Variants in COX7A1 observed in about 807,000 individuals in gnomAD.
COX7A1 encodes cytochrome c oxidase subunit 7A1, mitochondrial.
COX7A1 carries 21 observed loss-of-function variants against 13.2 expected under a neutral mutation model. That is an observed-to-expected ratio of 1.59 (90% confidence interval 1.13 to 2.29). The LOEUF (loss-of-function observed/expected upper bound fraction) is 2.29. COX7A1 is among the 30% of genes most tolerant of loss of function. The pLI is 0.00. For synonymous variants in COX7A1, 41 were observed against 41.9 expected (o/e 0.98, Z 0.08); for missense variants, 107 against 100.0 (o/e 1.07, Z -0.30).
chr19:36,151,656 C>CGCG lies in COX7A1; in HGVS notation c.102+12_102+13insCGC. The CGCG allele has an allele frequency of 5.5e-6, 8 of 1,451,484 alleles. No individual in the cohort carries two copies. Among genetic ancestry groups the CGCG allele is most frequent in the East Asian group, 2.6e-5 (1 of 38,202 alleles). 89.9% of individuals were successfully genotyped at this position (1,451,484 alleles called of 1,614,324 possible). A position where few individuals can be genotyped will look rare whatever the true frequency, so the allele number is the denominator to read the frequency against. On this transcript the variant is annotated intron_variant, in intron 2 of 3. Transcript: ENST00000292907. The stretch of plus-strand genomic sequence containing the variant: ...GCTGGCGCGTCGGATCCCCACCCCC[C>CGCG]CCGACCCCCCACCTGGAAGAGCTTC...
Position 36,151,050 on chromosome 19 carries a change from G to T in COX7A1, c.188-16C>A. On this transcript the variant is annotated splice_polypyrimidine_tract_variant and intron_variant, in intron 3 of 3. Transcript: ENST00000292907. ...TAGACAGTGCCTAGAAAGGGGAAGCGTTGGAGACAGAATGAGACCTAATCC... is the reference window on the plus strand; with the variant it reads ...TAGACAGTGCCTAGAAAGGGGAAGCTTTGGAGACAGAATGAGACCTAATCC... The T allele has an allele frequency of 6.2e-7, 1 of 1,612,560 alleles. No homozygotes were observed. Among genetic ancestry groups the T allele is most frequent in the Non-Finnish European group, 8.5e-7 (1 of 1,179,162 alleles).
At chr19:36,151,862 G>GC (rs748993500) in intron 1 of COX7A1, 107 bp from the exon 2 acceptor site, 1 of 1,010,966 alleles carries the variant, frequency 9.9e-7, no homozygotes, top group East Asian at 2.6e-5. Flanking sequence ...TCCCTAGCGA[G>GC]CGTCCCAAAG....
chr19:36,151,645 T>TACCCCCCC, intron 2 of COX7A1, 24 bp downstream of exon 2: 6 of 1,387,560 alleles, frequency 4.3e-6, no homozygotes, highest in Non-Finnish European at 5.9e-6. Context: ...GCGCGTCGGA[T>TACCCCCCC]CCCCACCCCC....
At position 36,151,050 on chromosome 19, in the gene COX7A1, G is replaced by A. The variant is rs1357546106; in HGVS notation, c.188-16C>T. ...TAGACAGTGCCTAGAAAGGGGAAGCGTTGGAGACAGAATGAGACCTAATCC... is the reference window on the plus strand; with the variant it reads ...TAGACAGTGCCTAGAAAGGGGAAGCATTGGAGACAGAATGAGACCTAATCC... On this transcript the variant is annotated splice_polypyrimidine_tract_variant and intron_variant, in intron 3 of 3. Coordinates refer to ENST00000292907, the MANE Select transcript of COX7A1 (RefSeq NM_001864.4). The A allele has an allele frequency of 7.4e-6, 12 of 1,612,442 alleles. No homozygotes were observed. The highest frequency in any genetic ancestry group is 5.0e-5 in the Admixed American group (3 of 59,790).
At chr19:36,151,385 C>T in intron 3 of COX7A1, 77 bp downstream of exon 3, 5 of 1,518,588 alleles carry the variant, frequency 3.3e-6, no homozygotes, top group Admixed American at 1.7e-5. Context: ...CCTGGTCAGT[C>T]CTGCCCAGAA....
In COX7A1 at chr19:36,152,119, C is replaced by T. The variant is rs910309474; in HGVS notation, c.15+274G>A. 16 of 579,634 alleles carry T rather than the reference C, an allele frequency of 2.8e-5. 2 individuals are homozygous for T. In the South Asian group the frequency reaches 3.6e-4, roughly 13 times the overall value. The allele number at this position is 579,634 out of a possible 1,614,324, so 35.9% of individuals were successfully genotyped here. A position where few individuals can be genotyped will look rare whatever the true frequency, so the allele number is the denominator to read the frequency against. On this transcript the variant is annotated intron_variant, in intron 1 of 3. Coordinates refer to ENST00000292907, the MANE Select transcript of COX7A1 (RefSeq NM_001864.4). ...GGACCGGAATGGAGGTCCCCGGGAG[C>T]GTCCAGGCTGCCTGAGAAGGCCCGG...
intron 2 of COX7A1, 47 bp downstream of exon 2, chr19:36,151,622 G>C (rs758278756): frequency 6.2e-7 from 1 of 1,609,418 alleles, no homozygotes; most frequent in Admixed American, 1.7e-5. Flanking sequence ...CCGGCTCGGC[G>C]CGCTCCCGGC....
chr19:36,151,692 G>T lies in COX7A1; in HGVS notation c.79C>A (p.Arg27Ser). ...ACCTGGAAGAGCTTCTGTTTCTCGC[G>T]CACTCGGTTCTGAAAGCGGTTCCGG... The part of the protein sequence containing the change: ...TARNRFQNRV[R>S]EKQKLFQEDN... The change falls in exon 2 of 4, where the codon CGC (arginine) becomes AGC (serine). Residue 27 changes from arginine to serine, a missense_variant. Arg to Ser is a moderately radical substitution (Grantham distance 110). Transcript: ENST00000292907. 3 of 1,444,836 alleles carry T rather than the reference G, an allele frequency of 2.1e-6. No homozygotes were observed. The highest frequency in any genetic ancestry group is 2.8e-6 in the Non-Finnish European group (3 of 1,065,816). The allele number at this position is 1,444,836 out of a possible 1,614,324, so 89.5% of individuals were successfully genotyped here.
rs1228130973 is a variant in COX7A1 at position 36,151,560 on chromosome 19, T to C, written c.103-14A>G. On this transcript the variant is annotated splice_polypyrimidine_tract_variant and intron_variant, in intron 2 of 3. Transcript: ENST00000292907. ...GTCATTGTCCTCCTGGATGTGGGGG[T>C]GTCTGATGAGAAAGGGGTGCTGGCT... 1 of 1,613,690 alleles carries C rather than the reference T, an allele frequency of 6.2e-7. No homozygotes were observed. Among genetic ancestry groups the C allele is most frequent in the Non-Finnish European group, 8.5e-7 (1 of 1,179,892 alleles).
chr19:36,151,111 G>T, intron 3 of COX7A1, 77 bp from the exon 4 acceptor site: 3 of 1,454,576 alleles, frequency 2.1e-6, no homozygotes, highest in South Asian at 2.5e-5. Flanking sequence ...AGGCCTTCAG[G>T]CTCCCTGGTT....
At chr19:36,151,641 C>A (rs780812653) in intron 2 of COX7A1, 28 bp downstream of exon 2, 20 of 1,574,128 alleles carry the variant, frequency 1.3e-5, no homozygotes, top group Non-Finnish European at 1.7e-5. Context: ...GCTGGCGCGT[C>A]GGATCCCCAC....
At position 36,152,426 on chromosome 19, in the gene COX7A1, GCCGGAGTCA is replaced by G. The variant is rs1484949160; in HGVS notation, c.-28_-20del. 3.3e-5 allele frequency: 44 copies of G among 1,349,068 alleles called. 1 individual carries two copies. The highest frequency in any genetic ancestry group is 2.4e-4 in the East Asian group (8 of 33,948). 83.6% of individuals were successfully genotyped at this position (1,349,068 alleles called of 1,614,324 possible). Reference sequence around the variant, plus strand: ...CCTGCATTCTGCCTTGTCCTCTTCCGCCGGAGTCACCTCCCTTCTCCGCCCAAGGACACG... The same window carrying G: ...CCTGCATTCTGCCTTGTCCTCTTCCGCCTCCCTTCTCCGCCCAAGGACACG... On this transcript the variant is annotated 5_prime_UTR_variant, in exon 1 of 4. Transcript: ENST00000292907.
rs754976929 is a variant in COX7A1, at chr19:36,151,663, C to CG, written c.102+5_102+6insC. ...CGTCGGATCCCCACCCCCCCCGACCCCCCACCTGGAAGAGCTTCTGTTTCT... is the reference window on the plus strand; with the variant it reads ...CGTCGGATCCCCACCCCCCCCGACCCGCCCACCTGGAAGAGCTTCTGTTTCT... On this transcript the variant is annotated splice_donor_region_variant and intron_variant, in intron 2 of 3. Coordinates refer to ENST00000292907, the MANE Select transcript of COX7A1 (RefSeq NM_001864.4). 4 of 1,580,140 alleles carry CG rather than the reference C, an allele frequency of 2.5e-6. No individual in the cohort carries two copies. In the East Asian group the frequency reaches 6.9e-5, roughly 27 times the overall value.
chr19:36,151,971 C>T (rs1167456870), intron 1 of COX7A1: 1 of 681,790 alleles, frequency 1.5e-6, no homozygotes, highest in Admixed American at 2.2e-5. Context: ...ACCGGGCTGC[C>T]TAGAGGGTCC....
intron 1 of COX7A1, 180 bp from the exon 2 acceptor site, chr19:36,151,935 T>A: frequency 1.4e-6 from 1 of 731,492 alleles, no homozygotes. Context: ...GGGAGGGGAC[T>A]CGCCCTGGAG....
Position 36,152,041 on chromosome 19 carries a change from T to C in COX7A1, c.16-286A>G, listed in dbSNP as rs561917619. 76 of 598,692 alleles carry C rather than the reference T, an allele frequency of 1.3e-4. No homozygotes were observed. The East Asian group carries it at 2.2e-3, about 17-fold the overall frequency. 37.1% of individuals were successfully genotyped at this position (598,692 alleles called of 1,614,324 possible). ...GGGGGCCTAAGTCCTGAGATTTTTG[T>C]TGGGGGAGGGTTTCCTGGATTAAAG... On this transcript the variant is annotated intron_variant, in intron 1 of 3. Coordinates refer to ENST00000292907, the MANE Select transcript of COX7A1 (RefSeq NM_001864.4).
rs757094788 is a variant in COX7A1 at position 36,152,245 on chromosome 19, G to A, written c.15+148C>T. The A allele has an allele frequency of 6.4e-5, 37 of 574,346 alleles. No homozygotes were observed. In the South Asian group the frequency reaches 1.2e-3, roughly 19 times the overall value. The allele number at this position is 574,346 out of a possible 1,614,324, so 35.6% of individuals were successfully genotyped here. A position where few individuals can be genotyped will look rare whatever the true frequency, so the allele number is the denominator to read the frequency against. ...TGTCTCCGAAGAGTGGATTGTGGGG[G>A]AAGGGACCCAGGCTGTTTAGCGGGG... On this transcript the variant is annotated intron_variant, in intron 1 of 3. Coordinates refer to ENST00000292907, the MANE Select transcript of COX7A1 (RefSeq NM_001864.4).
Position 36,151,658 on chromosome 19 carries a change from C to CCCCCCCCCCCCAGG in COX7A1, c.102+10_102+11insCCTGGGGGGGGGGG. 1 of 1,312,816 alleles carries CCCCCCCCCCCCAGG rather than the reference C, an allele frequency of 7.6e-7. No homozygotes were observed. The highest frequency in any genetic ancestry group is 1.2e-5 in the South Asian group (1 of 82,146). The allele number at this position is 1,312,816 out of a possible 1,614,324, so 81.3% of individuals were successfully genotyped here. On this transcript the variant is annotated intron_variant, in intron 2 of 3. Transcript: ENST00000292907. ...TGGCGCGTCGGATCCCCACCCCCCCCGACCCCCCACCTGGAAGAGCTTCTG... is the reference window on the plus strand; with the variant it reads ...TGGCGCGTCGGATCCCCACCCCCCCCCCCCCCCCCCCAGGGACCCCCCACCTGGAAGAGCTTCTG...
In COX7A1 at chr19:36,151,666, C is replaced by CCCCCTGGA; in HGVS notation, c.102+2_102+3insTCCAGGGG. 1 of 1,584,896 alleles carries CCCCCTGGA rather than the reference C, an allele frequency of 6.3e-7. No homozygotes were observed. Among genetic ancestry groups the CCCCCTGGA allele is most frequent in the South Asian group, 1.1e-5 (1 of 89,352 alleles). Reference sequence around the variant, plus strand: ...CGGATCCCCACCCCCCCCGACCCCCCACCTGGAAGAGCTTCTGTTTCTCGC... The same window carrying CCCCCTGGA: ...CGGATCCCCACCCCCCCCGACCCCCCCCCCTGGAACCTGGAAGAGCTTCTGTTTCTCGC... On this transcript the variant is annotated splice_region_variant and intron_variant, in intron 2 of 3. Transcript: ENST00000292907.
Sources: gnomAD v4.1 joint callset for allele counts on GRCh38, gnomAD v4.1.1 for gene constraint, MANE v1.5 for transcripts, NCBI Gene and HGNC (gene_info 2026-07-23, HGNC 2026-07-21) for gene names.